The following ECE1 variants were observed in gnomAD, a reference collection of about 807,000 sequenced individuals.
ECE1 encodes endothelin converting enzyme 1.
In ECE1, 35 loss-of-function variants were observed where a neutral mutation model predicts 98.6. The observed-to-expected ratio is 0.35, with a 90% CI of 0.27 to 0.47. The LOEUF (loss-of-function observed/expected upper bound fraction) is 0.47, where lower values mean the gene tolerates loss of function less well. ECE1 is among the 20% of genes least tolerant of loss of function. The pLI, the probability that ECE1 is intolerant of heterozygous loss-of-function variation, is 1.00. For synonymous variants in ECE1, 394 were observed against 407.1 expected, an observed-to-expected ratio of 0.97 and a Z score of 0.39; for missense variants, 814 against 1,025.3, an observed-to-expected ratio of 0.79 and a Z score of 2.81.
chr1:21,309,331 G>GAGTGA (rs1638666853), intron 1 of ECE1, among the ~76,000 whole-genome samples: 1 of 152,232 alleles, frequency 6.6e-6, no homozygotes, highest in Admixed American at 6.5e-5. Context: ...CTGTGACCTT[G>GAGTGA]AGTGAGTTAC....
chr1:21,317,476 C>T (rs562421132), intron 1 of ECE1, among the ~76,000 whole-genome samples: 20 of 152,350 alleles, frequency 1.3e-4, no homozygotes, highest in African/African-American at 3.8e-4. Context: ...GTCCAGCCCG[C>T]GGCGACGCTG....
At chr1:21,251,703 A>G (rs1235929617) in intron 8 of ECE1, among the ~76,000 whole-genome samples, 1 of 152,126 alleles carries the variant, frequency 6.6e-6, no homozygotes, top group Non-Finnish European at 1.5e-5. Context: ...GCTAAGAATG[A>G]GCTAAGAATG....
chr1:21,300,939 A>G (rs1360623909), intron 1 of ECE1, among the ~76,000 whole-genome samples: 2 of 152,230 alleles, frequency 1.3e-5, no homozygotes, highest in East Asian at 1.9e-4. Flanking sequence ...CAAGTGCTCC[A>G]TAAGTGTTTG....
Position 21,221,804 on chromosome 1 carries a change from G to T in ECE1, c.2079C>A (p.His693Gln), listed in dbSNP as rs557813906. The change falls in exon 18 of 19, where the codon CAC (histidine) becomes CAA (glutamine). Residue 693 changes from histidine (H) to glutamine (Q), a missense_variant. By Grantham distance (24) the His-to-Gln change is conservative. Coordinates refer to ENST00000374893, the MANE Select transcript of ECE1 (RefSeq NM_001397.3). ...QNWVKKNGAE[H>Q]SLPTLGLTNN... ...TGGTGAGGCCCAGGGTGGGGAGCGA[G>T]TGCTCAGCCCCGTTCTTCTTCACCC... 6.2e-7 allele frequency: 1 copy of T among 1,614,214 alleles called. No individual in the cohort carries two copies. The highest frequency in any genetic ancestry group is 8.5e-7 in the Non-Finnish European group (1 of 1,180,044).
chr1:21,247,667 G>T (rs1279662271), intron 8 of ECE1, among the ~76,000 whole-genome samples: 1 of 152,198 alleles, frequency 6.6e-6, no homozygotes, highest in Non-Finnish European at 1.5e-5. Context: ...GCAAATGATT[G>T]ATGCATATGA....
chr1:21,321,102 C>T (rs1460120194), intron 1 of ECE1, among the ~76,000 whole-genome samples: 1 of 152,150 alleles, frequency 6.6e-6, no homozygotes, highest in African/African-American at 2.4e-5. Context: ...AGGAGGAAAC[C>T]GAGGTTCCAA....
At chr1:21,339,959 G>C (rs1307916568) in intron 1 of ECE1, among the ~76,000 whole-genome samples, 1 of 152,210 alleles carries the variant, frequency 6.6e-6, no homozygotes, top group Admixed American at 6.5e-5. Context: ...GCCAGCACTG[G>C]TTGTTCATTA....
rs149006393 is a variant in ECE1 at position 21,335,243 on chromosome 1, G to A, written c.3+10133C>T. Among the ~76,000 whole-genome samples, 1,037 of 151,398 alleles carry A rather than the reference G, an allele frequency of 6.8e-3. 16 individuals are homozygous for A. Among genetic ancestry groups the A allele is most frequent in the African/African-American group, 0.023 (955 of 41,186 alleles). ...AGCTCAGACATCACCTCCTTTCCTG[G>A]CCGCTCCTCTAGAGCGGCCCCCTCC... On this transcript the variant is annotated intron_variant, in intron 1 of 18. Coordinates refer to the ECE1 transcript ENST00000415912.
intron 17 of ECE1, among the ~76,000 whole-genome samples, chr1:21,224,687 C>T (rs1037858250): frequency 4.6e-5 from 7 of 152,172 alleles, no homozygotes. Flanking sequence ...CTGTTACTAA[C>T]TCTCCCATCT....
In ECE1 at chr1:21,225,094, C is replaced by T. The variant is rs983614108; in HGVS notation, c.2040+156G>A. 6.6e-6 allele frequency among the ~76,000 whole-genome samples: 1 copy of T among 152,198 alleles called. No homozygotes were observed. The highest frequency in any genetic ancestry group is 1.5e-5 in the Non-Finnish European group (1 of 68,036). ...GGGGGAGCCTCCACGGTCGGCATCGCGATTGGTCCTCGCCACCCCCAATTT... is the reference window on the plus strand; with the variant it reads ...GGGGGAGCCTCCACGGTCGGCATCGTGATTGGTCCTCGCCACCCCCAATTT... On this transcript the variant is annotated intron_variant, in intron 17 of 18. Transcript: ENST00000374893. This position sits in a 1 kb window ranked among gnomAD's most constrained non-coding sequence, Gnocchi z 5.3.
intron 9 of ECE1, among the ~76,000 whole-genome samples, chr1:21,245,914 A>T (rs28368001): frequency 0.054 from 8,200 of 152,202 alleles, 302 homozygotes; most frequent in Non-Finnish European, 0.081. Context: ...GCCCTCCCCC[A>T]TGCTTTCTCT....
upstream of ECE1, among the ~76,000 whole-genome samples, chr1:21,290,947 C>G (rs1021083787): frequency 2.0e-5 from 3 of 152,152 alleles, no homozygotes; most frequent in Non-Finnish European, 4.4e-5. This position sits in a 1 kb window ranked among gnomAD's most constrained non-coding sequence, Gnocchi z 7.3. Flanking sequence ...AACTCCCTGA[C>G]ACGGGATGAA....
At chr1:21,325,673 C>A (rs1335014527) in intron 1 of ECE1, among the ~76,000 whole-genome samples, 1 of 152,280 alleles carries the variant, frequency 6.6e-6, no homozygotes, top group Admixed American at 6.5e-5. Flanking sequence ...ATAGGACCCA[C>A]TTCCTTGGAG....
intron 9 of ECE1, 147 bp from the exon 10 acceptor site, chr1:21,245,250 C>T: frequency 2.8e-6 from 2 of 705,560 alleles, no homozygotes; most frequent in South Asian, 1.5e-5. Context: ...GGTTACTGCT[C>T]CCTAAGCACG....
At chr1:21,337,238 C>T (rs555045725) in intron 1 of ECE1, among the ~76,000 whole-genome samples, 6 of 152,288 alleles carry the variant, frequency 3.9e-5, no homozygotes, top group East Asian at 1.9e-4. Flanking sequence ...CAATGCGGCA[C>T]GACTCAGCCT....
intron 1 of ECE1, among the ~76,000 whole-genome samples, chr1:21,335,146 C>T (rs1336462348): frequency 6.6e-6 from 1 of 152,092 alleles, no homozygotes; most frequent in Admixed American, 6.5e-5. Flanking sequence ...CTTGCTGTTC[C>T]GGCAGCCGGG....
At position 21,255,341 on chromosome 1, in the gene ECE1, C is replaced by A. The variant is rs190237571; in HGVS notation, c.1020+606G>T. Among the ~76,000 whole-genome samples the A allele has an allele frequency of 1.5e-3, 231 of 152,292 alleles. 3 individuals carry two copies. The highest frequency in any genetic ancestry group is 1.0e-3 in the Non-Finnish European group (69 of 68,016). On this transcript the variant is annotated intron_variant, in intron 8 of 18. Coordinates refer to ENST00000374893, the MANE Select transcript of ECE1 (RefSeq NM_001397.3). ...CAGCTGATGCTCTGGAAAGAAGGAA[C>A]CAGCAAGCTATTCTCTCTGGACCCT... is the stretch of plus-strand genomic sequence containing the variant.
At chr1:21,259,186 A>G (rs965643763) in intron 5 of ECE1, among the ~76,000 whole-genome samples, 2 of 152,204 alleles carry the variant, frequency 1.3e-5, no homozygotes, top group African/African-American at 2.4e-5. Context: ...CATAAATTCA[A>G]TTGTGCCTCT....
chr1:21,231,173 T>C (rs534777476), intron 14 of ECE1, among the ~76,000 whole-genome samples: 4 of 152,200 alleles, frequency 2.6e-5, no homozygotes, highest in South Asian at 2.1e-4. Context: ...AAAAAGGTTT[T>C]GAAAGTAATG....
Sources: gnomAD v4.1 joint callset for allele counts (sites outside exome capture counted in the v4.1 genomes callset) on GRCh38, gnomAD v4.1.1 for gene constraint, Gnocchi (gnomAD v3.1) non-coding constraint, MANE v1.5 for transcripts, NCBI Gene and HGNC (gene_info 2026-07-23, HGNC 2026-07-21) for gene names.